Variants in CCDC57 observed in about 807,000 individuals in gnomAD.
CCDC57 encodes coiled-coil domain containing 57.
Under a neutral mutation model 118.9 loss-of-function variants are expected in CCDC57, and 118 were observed. The observed-to-expected ratio is 0.99, with a 90% CI of 0.86 to 1.16. The LOEUF is 1.16. CCDC57 is among the 50% of genes most tolerant of loss of function. The pLI is 0.00. For synonymous variants in CCDC57, 527 were observed against 532.9 expected (o/e 0.99, Z 0.15); for missense variants, 1,300 against 1,320.7 (o/e 0.98, Z 0.24).
At chr17:82,144,823 T>C (rs1162403189) in intron 16 of CCDC57, among the ~76,000 whole-genome samples, 1 of 152,160 alleles carries the variant, frequency 6.6e-6, no homozygotes, top group Non-Finnish European at 1.5e-5. Context: ...GCGAGATCCC[T>C]AATTTGTTCT....
intron 14 of CCDC57, among the ~76,000 whole-genome samples, chr17:82,161,492 G>A (rs565230484): frequency 3.9e-5 from 6 of 152,186 alleles, no homozygotes; most frequent in South Asian, 2.1e-4. Flanking sequence ...TCCAAACAGC[G>A]GAAACAACCC....
chr17:82,165,331 C>T (rs1316772390), intron 13 of CCDC57, among the ~76,000 whole-genome samples: 1 of 152,140 alleles, frequency 6.6e-6, no homozygotes, highest in Non-Finnish European at 1.5e-5. Context: ...CCAGCCAGAA[C>T]ACAAAAAGCC....
intron 16 of CCDC57, among the ~76,000 whole-genome samples, chr17:82,149,688 A>C (rs1045710931): frequency 6.6e-6 from 1 of 151,992 alleles, no homozygotes. Flanking sequence ...CTTCCTGAGA[A>C]GGCTGCGTCC....
intron 19 of CCDC57, among the ~76,000 whole-genome samples, chr17:82,121,123 C>T (rs2036621632): frequency 1.3e-5 from 2 of 152,118 alleles, no homozygotes; most frequent in African/African-American, 4.8e-5. Context: ...TGGTGGCTCC[C>T]GCCTGTAATC....
rs1451575656 is a variant in CCDC57 at position 82,151,409 on chromosome 17, C to T, written c.2455+151G>A. The T allele has an allele frequency of 1.2e-5, 9 of 756,328 alleles. 1 individual carries two copies. The African/African-American group carries it at 1.6e-4, about 13-fold the overall frequency. The allele number at this position is 756,328 out of a possible 1,614,324, so 46.9% of individuals were successfully genotyped here. On this transcript the variant is annotated intron_variant, in intron 16 of 19. Coordinates refer to ENST00000665763, the Ensembl canonical transcript of CCDC57. ...CCCAGAACCTGACCCACACCCAGAA[C>T]CTGGCGCACCCCCAGAATCTGACCC...
intron 5 of CCDC57, among the ~76,000 whole-genome samples, chr17:82,194,435 C>T (rs918114014): frequency 2.0e-5 from 3 of 151,886 alleles, no homozygotes; most frequent in African/African-American, 4.8e-5. Context: ...CTTAGCCTCA[C>T]GAGTAGCTGG....
At chr17:82,195,525 TAAC>T (rs2048196175) in intron 4 of CCDC57, among the ~76,000 whole-genome samples, 161 bp from the exon 4 acceptor site, 1 of 151,316 alleles carries the variant, frequency 6.6e-6, no homozygotes, top group Non-Finnish European at 1.5e-5. Context: ...GCGACACTGG[TAAC>T]AGCACTCTGG....
exon 17 of CCDC57, chr17:82,134,170 G>A: frequency 7.4e-7 from 1 of 1,342,948 alleles, no homozygotes; most frequent in Non-Finnish European, 9.6e-7. Flanking sequence ...AGGGGCAGGA[G>A]GGAGGGCGTG....
chr17:82,203,811 G>A (rs1310493856), intron 2 of CCDC57, among the ~76,000 whole-genome samples: 1 of 152,236 alleles, frequency 6.6e-6, no homozygotes, highest in South Asian at 2.1e-4. Context: ...TTCCGGCCTG[G>A]TGGGACATGG....
chr17:82,158,073 CT>C, intron 14 of CCDC57, 125 bp from the exon 14 acceptor site: 1 of 1,448,610 alleles, frequency 6.9e-7, no homozygotes, highest in South Asian at 1.4e-5. Context: ...TCAGGGCCTC[CT>C]CCCCAGCTGG....
chr17:82,211,005 A>G (rs1300838983), intron 1 of CCDC57, among the ~76,000 whole-genome samples: 2 of 62,162 alleles, frequency 3.2e-5, no homozygotes, highest in East Asian at 9.3e-4. Flanking sequence ...AAAAAAAAAA[A>G]AAAAGAAAAA....
At chr17:82,201,415 G>A in intron 3 of CCDC57, 123 bp downstream of exon 2, 1 of 1,252,132 alleles carries the variant, frequency 8.0e-7, no homozygotes, top group Non-Finnish European at 1.1e-6. Context: ...CCCGTGGCCT[G>A]GAATCAGCAG....
At chr17:82,206,146 CAGG>C (rs2049608630) in intron 2 of CCDC57, among the ~76,000 whole-genome samples, 1 of 152,240 alleles carries the variant, frequency 6.6e-6, no homozygotes, top group Admixed American at 6.5e-5. Flanking sequence ...CACCCTCTTT[CAGG>C]AGAACCAGTG....
At chr17:82,140,802 C>T (rs373205246) in intron 16 of CCDC57, among the ~76,000 whole-genome samples, 9 of 152,066 alleles carry the variant, frequency 5.9e-5, no homozygotes, top group Admixed American at 2.6e-4. Context: ...CCCGGCACAG[C>T]GCCTGGCTTG....
At chr17:82,141,801 A>G (rs939500898) in intron 16 of CCDC57, among the ~76,000 whole-genome samples, 5 of 152,296 alleles carry the variant, frequency 3.3e-5, no homozygotes, top group African/African-American at 1.2e-4. Context: ...TTTCTTTGAG[A>G]TTACTTTCCA....
rs1354159773 is a variant in CCDC57, at chr17:82,179,123, CA to C, written c.1277del (p.Leu426ArgfsTer23). 2 of 1,613,880 alleles carry C rather than the reference CA, an allele frequency of 1.2e-6. No homozygotes were observed. The highest frequency in any genetic ancestry group is 3.3e-5 in the Admixed American group (2 of 59,996). On this transcript the variant is annotated frameshift_variant, in exon 10 of 20. Coordinates refer to ENST00000665763, the Ensembl canonical transcript of CCDC57. LOFTEE classifies it high-confidence loss of function. ...CACAGCGGCGCTGCCAGTCCAGGCCCAGCTGCACCTGATCACGCTCCAGGCT... is the reference window on the plus strand; with the variant it reads ...CACAGCGGCGCTGCCAGTCCAGGCCCGCTGCACCTGATCACGCTCCAGGCT...
At chr17:82,133,976 T>C in intron 17 of CCDC57, 97 bp downstream of exon 16, 2 of 1,178,520 alleles carry the variant, frequency 1.7e-6, no homozygotes, top group Non-Finnish European at 2.2e-6. Flanking sequence ...GGAGGCTTTT[T>C]ATATTGTGTT....
intron 12 of CCDC57, 134 bp from the exon 12 acceptor site, chr17:82,171,987 C>T: frequency 2.2e-6 from 2 of 888,978 alleles, no homozygotes; most frequent in Non-Finnish European, 3.5e-6. Context: ...CCTCACACTA[C>T]AGCTTCACCG....
chr17:82,124,664 C>G (rs1357428977), intron 19 of CCDC57, among the ~76,000 whole-genome samples: 1 of 151,952 alleles, frequency 6.6e-6, no homozygotes, highest in African/African-American at 2.4e-5. Flanking sequence ...AGCGTGGTGG[C>G]GTGTCCCTGT....
Sources: allele counts gnomAD v4.1 joint callset (sites outside exome capture counted in the v4.1 genomes callset), GRCh38; gene constraint gnomAD v4.1.1; transcripts MANE v1.5; gene names NCBI Gene and HGNC (gene_info 2026-07-23, HGNC 2026-07-21).